The following EML6 variants were observed in gnomAD, a reference collection of about 807,000 sequenced individuals.
EML6 encodes EMAP like 6.
A neutral mutation model predicts 240.1 loss-of-function variants in EML6; 154 were observed. The observed-to-expected ratio is 0.64, with a 90% CI of 0.56 to 0.73. The LOEUF (loss-of-function observed/expected upper bound fraction) is 0.73, where lower values mean the gene tolerates loss of function less well. EML6 is among the 30% of genes least tolerant of loss of function. The probability of loss-of-function intolerance (pLI) is 0.00; values close to 1 mark genes in which losing one functional copy is unlikely to be tolerated. For missense variants in EML6, 2,964 were observed against 2,474.6 expected (o/e 1.20, Z -4.20); for synonymous variants, 1,148 against 899.0 (o/e 1.28, Z -4.95).
intron 8 of EML6, among the ~76,000 whole-genome samples, 153 bp downstream of exon 8, chr2:54,844,401 A>T (rs150549000): frequency 1.3e-3 from 198 of 152,314 alleles, no homozygotes; most frequent in African/African-American, 4.6e-3. Context: ...GGTTTTTGGC[A>T]TTTTGCTCCT....
At position 54,799,409 on chromosome 2, in the gene EML6, G is replaced by C. The variant is rs367998990; in HGVS notation, c.198-13823G>C. On this transcript the variant is annotated intron_variant, in intron 2 of 41. Transcript: ENST00000356458. ...TGGAGCCTCTGGTGTGTGGTGGCGC[G>C]ATCTCCGTTCACTGCAACCTCTGAC... is the stretch of plus-strand genomic sequence containing the variant. Among the ~76,000 whole-genome samples, 3 of 146,834 alleles carry C rather than the reference G, an allele frequency of 2.0e-5. 1 individual carries two copies. Among genetic ancestry groups the C allele is most frequent in the East Asian group, 4.1e-4 (2 of 4,886 alleles).
In EML6 at chr2:54,968,250, A is replaced by T; in HGVS notation, c.5720A>T (p.Lys1907Met). The part of the protein sequence containing the change: ...IVTGDDFGLV[K>M]LFDFPCTEKF... ...ACAGGAGATGACTTTGGGCTGGTGA[A>T]GCTCTTTGATTTTCCATGCACAGAA... The change falls in exon 40 of 42, where the codon AAG becomes ATG. Residue 1907 changes from lysine to methionine, a missense_variant. Transcript: ENST00000356458. 6.4e-7 allele frequency: 1 copy of T among 1,551,768 alleles called. No homozygotes were observed. Among genetic ancestry groups the T allele is most frequent in the Non-Finnish European group, 8.7e-7 (1 of 1,147,014 alleles).
intron 2 of EML6, among the ~76,000 whole-genome samples, chr2:54,772,922 C>T (rs948156692): frequency 8.5e-5 from 13 of 152,248 alleles, no homozygotes; most frequent in African/African-American, 2.9e-4. Flanking sequence ...AGTCTTGGAA[C>T]CAAATACTTC....
At chr2:54,900,405 G>A (rs189513075) in intron 22 of EML6, among the ~76,000 whole-genome samples, 9 of 152,270 alleles carry the variant, frequency 5.9e-5, no homozygotes, top group African/African-American at 2.2e-4. Context: ...TCTTTAAAAT[G>A]GGACTATTTA....
At chr2:54,847,764 T>G in intron 9 of EML6, 141 bp downstream of exon 9, 2 of 930,512 alleles carry the variant, frequency 2.1e-6, no homozygotes, top group Non-Finnish European at 1.6e-6. Context: ...TACGATCCCC[T>G]ATCTGTAATT....
At chr2:54,860,970 T>A (rs1238172921) in intron 12 of EML6, among the ~76,000 whole-genome samples, 1 of 152,198 alleles carries the variant, frequency 6.6e-6, no homozygotes, top group Non-Finnish European at 1.5e-5. Flanking sequence ...TGGTCTTAAA[T>A]GGGTTTACAA....
chr2:54,896,613 G>A (rs1573095752), intron 21 of EML6, among the ~76,000 whole-genome samples: 1 of 152,124 alleles, frequency 6.6e-6, no homozygotes, highest in East Asian at 1.9e-4. Context: ...AAGTTGGAGA[G>A]AAAAGAAAAT....
intron 7 of EML6, among the ~76,000 whole-genome samples, chr2:54,830,697 A>T (rs1668825622): frequency 6.6e-6 from 1 of 152,186 alleles, no homozygotes; most frequent in African/African-American, 2.4e-5. Context: ...GCCATCCTTA[A>T]ATAGTGTTGT....
At position 54,931,882 on chromosome 2, in the gene EML6, C is replaced by G. The variant is rs146586262; in HGVS notation, c.4004+3131C>G. ...ACCTTGAGATGACTGTAGCACCTGT[C>G]GTACTGAGAAAAATGCCTTGAAGGT... On this transcript the variant is annotated intron_variant, in intron 28 of 41. Transcript: ENST00000356458. Among the ~76,000 whole-genome samples, 3 of 152,280 alleles carry G rather than the reference C, an allele frequency of 2.0e-5. No individual in the cohort carries two copies. In the East Asian group the frequency reaches 5.8e-4, roughly 29 times the overall value.
chr2:54,793,997 C>G (rs571446213), intron 2 of EML6, among the ~76,000 whole-genome samples: 1 of 152,358 alleles, frequency 6.6e-6, no homozygotes, highest in African/African-American at 2.4e-5. Context: ...GGTCAATTCC[C>G]TTGCCTCACC....
chr2:54,769,714 C>G (rs1200151791), intron 2 of EML6, among the ~76,000 whole-genome samples: 1 of 152,202 alleles, frequency 6.6e-6, no homozygotes, highest in African/African-American at 2.4e-5. Context: ...GAGTTTTCTT[C>G]TGCCCTCTTT....
chr2:54,800,446 T>A (rs1670069957), intron 2 of EML6, among the ~76,000 whole-genome samples: 1 of 152,070 alleles, frequency 6.6e-6, no homozygotes. Flanking sequence ...TATTTTGGGG[T>A]ACCTATTTTC....
intron 24 of EML6, among the ~76,000 whole-genome samples, chr2:54,908,128 T>C (rs936019406): frequency 7.2e-5 from 11 of 152,052 alleles, no homozygotes; most frequent in Admixed American, 3.9e-4. Flanking sequence ...TCCTTTCTAA[T>C]AGAAGAATAG....
At chr2:54,845,580 G>C (rs1217828755) in intron 8 of EML6, among the ~76,000 whole-genome samples, 1 of 152,210 alleles carries the variant, frequency 6.6e-6, no homozygotes, top group Non-Finnish European at 1.5e-5. Flanking sequence ...GATGAGCATA[G>C]TGACTTCAGA....
intron 2 of EML6, among the ~76,000 whole-genome samples, chr2:54,792,409 G>A (rs547691027): frequency 2.2e-4 from 33 of 152,130 alleles, no homozygotes; most frequent in Non-Finnish European, 2.9e-4. Flanking sequence ...CTTTTGATTT[G>A]GGGCTTTGAA....
intron 2 of EML6, among the ~76,000 whole-genome samples, chr2:54,726,987 A>G (rs1015920259): frequency 6.6e-6 from 1 of 152,226 alleles, no homozygotes; most frequent in African/African-American, 2.4e-5. Context: ...ATACAAGGAA[A>G]AAAACCAAAT....
chr2:54,901,699 G>A (rs528922500), intron 22 of EML6, among the ~76,000 whole-genome samples: 3 of 152,276 alleles, frequency 2.0e-5, no homozygotes, highest in Non-Finnish European at 2.9e-5. Context: ...GTACTGGCAC[G>A]TCAGTTTTGA....
intron 2 of EML6, among the ~76,000 whole-genome samples, chr2:54,786,217 G>A (rs1193401730): frequency 6.6e-6 from 1 of 152,062 alleles, no homozygotes; most frequent in Non-Finnish European, 1.5e-5. Context: ...CTTTTCCCTG[G>A]AAGTTTTCTC....
chr2:54,799,680 G>T (rs548945876), intron 2 of EML6, among the ~76,000 whole-genome samples: 2 of 152,260 alleles, frequency 1.3e-5, no homozygotes, highest in Admixed American at 6.5e-5. Flanking sequence ...GCAGAATTTT[G>T]TAGTTGCAAC....
Sources: allele counts gnomAD v4.1 joint callset (sites outside exome capture counted in the v4.1 genomes callset), GRCh38; gene constraint gnomAD v4.1.1; transcripts MANE v1.5; gene names NCBI Gene and HGNC (gene_info 2026-07-23, HGNC 2026-07-21).